The following TOP3A variants were observed in gnomAD, a reference collection of about 807,000 sequenced individuals.
The protein encoded by TOP3A is DNA topoisomerase 3-alpha.
A neutral mutation model predicts 111.3 loss-of-function variants in TOP3A; 64 were observed. The observed-to-expected ratio is 0.57, with a 90% CI of 0.47 to 0.71. The LOEUF (loss-of-function observed/expected upper bound fraction) is 0.71, where lower values mean the gene tolerates loss of function less well. TOP3A is among the 30% of genes least tolerant of loss of function. The pLI is 0.00. For missense variants in TOP3A, 1,104 were observed against 1,285.0 expected (o/e 0.86, Z 2.15); for synonymous variants, 484 against 485.1 (o/e 1.00, Z 0.03).
intron 1 of TOP3A, among the ~76,000 whole-genome samples, chr17:18,309,709 CTTTTTTT>C (rs749580212): frequency 1.6e-5 from 2 of 128,788 alleles, no homozygotes; most frequent in Admixed American, 1.6e-4. Flanking sequence ...TATAGAAGTT[CTTTTTTT>C]TTTTTTTTTT....
At position 18,306,874 on chromosome 17, in the gene TOP3A, C is replaced by T. The variant is rs1981609900; in HGVS notation, c.390+17G>A. ...TGTGGTTTGACTCAGTGCCATATGT[C>T]TTCCAAAAGACCCTACCTTGATGTC... On this transcript the variant is annotated intron_variant, in intron 4 of 18. Coordinates refer to ENST00000321105, the MANE Select transcript of TOP3A (RefSeq NM_004618.5). The T allele has an allele frequency of 6.4e-7, 1 of 1,573,042 alleles. No homozygotes were observed. Among genetic ancestry groups the T allele is most frequent in the Non-Finnish European group, 8.7e-7 (1 of 1,143,212 alleles).
intron 11 of TOP3A, 115 bp downstream of exon 11, chr17:18,292,530 A>T (rs1980542172): frequency 1.0e-6 from 1 of 962,310 alleles, no homozygotes. Context: ...AATGAGAGAG[A>T]TCTCAAAATC....
chr17:18,313,929 T>C (rs1435112583), intron 1 of TOP3A, among the ~76,000 whole-genome samples: 1 of 152,248 alleles, frequency 6.6e-6, no homozygotes, highest in Admixed American at 6.5e-5. Context: ...CAGCTCTTTA[T>C]GTCTCCCGTG....
chr17:18,293,788 G>A (rs1443263761), intron 10 of TOP3A, among the ~76,000 whole-genome samples: 1 of 151,448 alleles, frequency 6.6e-6, no homozygotes, highest in Admixed American at 6.6e-5. Context: ...GTAGAGATGG[G>A]GTTTCACCAT....
Position 18,277,681 on chromosome 17 carries a change from C to T in TOP3A, c.2821G>A (p.Ala941Thr), listed in dbSNP as rs756711722. 55 of 1,604,810 alleles carry T rather than the reference C, an allele frequency of 3.4e-5. No homozygotes were observed. Among genetic ancestry groups the T allele is most frequent in the Middle Eastern group, 1.7e-4 (1 of 6,018 alleles). The change falls in exon 18 of 19, where the codon GCT becomes ACT. Residue 941 changes from alanine (A) to threonine (T), a missense_variant. Transcript: ENST00000321105. ...ATGCCCCTCCCTGCCTCACCTGGAG[C>T]GGTGTTCTCATCGACCCACTGGAAA... is the stretch of plus-strand genomic sequence containing the variant. ...GFFQWVDENT[A>T]PGTSGAPSWT...
chr17:18,302,423 T>C lies in TOP3A; in HGVS notation c.655A>G (p.Thr219Ala). The C allele has an allele frequency of 1.2e-6, 2 of 1,605,098 alleles. No individual in the cohort carries two copies. The highest frequency in any genetic ancestry group is 1.1e-5 in the South Asian group (1 of 90,606). ...TGAAGCCGCAGGGTCTGGAACCTAGTAAAGGCAGCTCCTGGAGAGTGAAGG... is the reference window on the plus strand; with the variant it reads ...TGAAGCCGCAGGGTCTGGAACCTAGCAAAGGCAGCTCCTGGAGAGTGAAGG... ...ELDLRIGAAF[T>A]RFQTLRLQRI... is the part of the protein sequence containing the mutation. Residue 219 changes from threonine (T) to alanine (A), a missense_variant, in exon 7 of 19, where the codon ACT becomes GCT. By Grantham distance (58) the Thr-to-Ala change is moderately conservative (BLOSUM62 0). Coordinates refer to ENST00000321105, the MANE Select transcript of TOP3A (RefSeq NM_004618.5).
rs570569758 is a variant in TOP3A at position 18,314,642 on chromosome 17, G to C, written c.137C>G (p.Ala46Gly). The C allele has an allele frequency of 6.2e-7, 1 of 1,613,324 alleles. No individual in the cohort carries two copies. Among genetic ancestry groups the C allele is most frequent in the Admixed American group, 1.7e-5 (1 of 59,936 alleles). Residue 46 changes from alanine to glycine, a missense_variant, in exon 1 of 19, where the codon GCC (alanine) becomes GGC (glycine). Transcript: ENST00000321105. ...VLCVAEKNDA[A>G]KGIADLLSNG... ...TGACAGCAGGTCGGCGATCCCCTTG[G>C]CCGCGTCGTTTTTTTCGGCCACACA...
intron 18 of TOP3A, 130 bp from the exon 19 acceptor site, chr17:18,275,110 G>T: frequency 7.4e-7 from 1 of 1,352,486 alleles, no homozygotes. Context: ...CTTGAGCCCA[G>T]GAGTTCAAGA....
chr17:18,307,153 T>G (rs565570845), intron 3 of TOP3A, 187 bp from the exon 4 acceptor site: 2 of 472,904 alleles, frequency 4.2e-6, no homozygotes, highest in Admixed American at 7.4e-5. Flanking sequence ...TGAACAGGAC[T>G]GATAAGATGG....
Position 18,302,584 on chromosome 17 carries a change from C to G in TOP3A, c.639G>C (p.Arg213Ser). 6.2e-7 allele frequency: 1 copy of G among 1,614,046 alleles called. No homozygotes were observed. Among genetic ancestry groups the G allele is most frequent in the Non-Finnish European group, 8.5e-7 (1 of 1,179,922 alleles). ...AVDVRQELDL[R>S]IGAAFTRFQT... The stretch of plus-strand genomic sequence containing the variant: ...GAGGTCTGCCTAGCTCCTCACCAAT[C>G]CTCAGGTCCAGCTCCTGCCTCACAT... The change falls in exon 6 of 19, where the codon AGG becomes AGC. Residue 213 changes from arginine to serine, a missense_variant. By Grantham distance (110) the Arg-to-Ser change is moderately radical. Coordinates refer to ENST00000321105, the MANE Select transcript of TOP3A (RefSeq NM_004618.5).
chr17:18,280,409 G>A, intron 17 of TOP3A, 127 bp downstream of exon 17: 1 of 1,101,490 alleles, frequency 9.1e-7, no homozygotes, highest in Middle Eastern at 3.1e-4. Flanking sequence ...GGCTGCTGCA[G>A]AACACAGCTA....
intron 4 of TOP3A, among the ~76,000 whole-genome samples, chr17:18,305,486 A>ACACACACGCACG (rs1164323613): frequency 1.3e-5 from 2 of 149,414 alleles, no homozygotes; most frequent in African/African-American, 5.0e-5. Flanking sequence ...ACACACACAC[A>ACACACACGCACG]CGCGCGCGCG....
chr17:18,297,438 G>GTCCCTTTCCCTCTCCCCACGGTC (rs1555571028), intron 9 of TOP3A, among the ~76,000 whole-genome samples: 7 of 146,024 alleles, frequency 4.8e-5, no homozygotes, highest in African/African-American at 1.8e-4. Flanking sequence ...CCCTGTCCCT[G>GTCCCTTTCCCTCTCCCCACGGTC]TCCCTCTCCC....
chr17:18,295,074 C>T (rs1980713234), intron 9 of TOP3A, among the ~76,000 whole-genome samples: 1 of 152,246 alleles, frequency 6.6e-6, no homozygotes, highest in Non-Finnish European at 1.5e-5. Flanking sequence ...ATCTTGAACT[C>T]CTGGCCTCAA....
rs183488402 is a variant in TOP3A, at chr17:18,308,987, A to C, written c.181-46T>G. The C allele has an allele frequency of 3.3e-4, 359 of 1,088,082 alleles. 2 individuals carry two copies. Among genetic ancestry groups the C allele is most frequent in the South Asian group, 1.9e-3 (111 of 59,932 alleles). The allele number at this position is 1,088,082 out of a possible 1,614,324, so 67.4% of individuals were successfully genotyped here. A position where few individuals can be genotyped will look rare whatever the true frequency, so the allele number is the denominator to read the frequency against. On this transcript the variant is annotated intron_variant, in intron 1 of 18. Coordinates refer to ENST00000321105, the MANE Select transcript of TOP3A (RefSeq NM_004618.5). ...AAAAATATAAATTACGTTTAAAACA[A>C]TGGATTCCTTTGTATAATTCTTTCT...
chr17:18,294,654 A>G, intron 10 of TOP3A, 49 bp downstream of exon 10: 1 of 1,385,880 alleles, frequency 7.2e-7, no homozygotes, highest in Non-Finnish European at 1.0e-6. Context: ...CAAATATTTC[A>G]TCCTGATAAA....
Position 18,305,098 on chromosome 17 carries a change from G to A in TOP3A, c.499+14C>T, listed in dbSNP as rs755504275. On this transcript the variant is annotated intron_variant, in intron 5 of 18. Coordinates refer to ENST00000321105, the MANE Select transcript of TOP3A (RefSeq NM_004618.5). ...TCCAAAGTAGAGAAAGTCAGCAGCA[G>A]CAGCAGCACTTACCAGCCTTACACA... 2 of 1,603,422 alleles carry A rather than the reference G, an allele frequency of 1.2e-6. No individual in the cohort carries two copies. The highest frequency in any genetic ancestry group is 1.7e-5 in the Admixed American group (1 of 59,982).
Position 18,278,028 on chromosome 17 carries a change from C to T in TOP3A, c.2474G>A (p.Arg825His), listed in dbSNP as rs368431834. The T allele has an allele frequency of 2.7e-5, 44 of 1,614,064 alleles. No individual in the cohort carries two copies. Among genetic ancestry groups the T allele is most frequent in the Admixed American group, 1.7e-4 (10 of 60,016 alleles). The change falls in exon 18 of 19, where the codon CGT (arginine) becomes CAT (histidine). Residue 825 changes from arginine to histidine, a missense_variant. Arg to His is a conservative substitution (Grantham distance 29). Transcript: ENST00000321105. Reference sequence around the variant, plus strand: ...CCGGCCCCGGTTGGGGCCCTCCTTACGGACAGTGAGCAGCACAGCCTCCTG... The same window carrying T: ...CCGGCCCCGGTTGGGGCCCTCCTTATGGACAGTGAGCAGCACAGCCTCCTG... The part of the protein sequence containing the change: ...CGQEAVLLTV[R>H]KEGPNRGRQF...
intron 5 of TOP3A, among the ~76,000 whole-genome samples, chr17:18,303,388 C>G (rs2142985078): frequency 6.6e-6 from 1 of 152,246 alleles, no homozygotes; most frequent in Non-Finnish European, 1.5e-5. Flanking sequence ...CGTAAAGGGT[C>G]AGTGCTGAGG....
Sources: allele counts gnomAD v4.1 joint callset (sites outside exome capture counted in the v4.1 genomes callset), GRCh38; gene constraint gnomAD v4.1.1; transcripts MANE v1.5; gene names NCBI Gene and HGNC (gene_info 2026-07-23, HGNC 2026-07-21).